ZC3H12B: variants seen among roughly 807,000 people sequenced by gnomAD.
ZC3H12B encodes probable ribonuclease ZC3H12B.
ZC3H12B carries 7 observed loss-of-function variants against 43.9 expected under a neutral mutation model. That is an observed-to-expected ratio of 0.16 (90% CI 0.09 to 0.30). The LOEUF (loss-of-function observed/expected upper bound fraction) is 0.30, where lower values mean the gene tolerates loss of function less well. ZC3H12B is among the 10% of genes least tolerant of loss of function. The probability of loss-of-function intolerance (pLI) is 1.00; values close to 1 mark genes in which losing one functional copy is unlikely to be tolerated. For synonymous variants in ZC3H12B, 222 were observed against 241.7 expected, an observed-to-expected ratio of 0.92 and a Z score of 0.76; for missense variants, 475 against 670.2, an observed-to-expected ratio of 0.71 and a Z score of 3.22.
At chrX:65,374,935 G>C (rs1018609809) in intron 2 of ZC3H12B, among the ~76,000 whole-genome samples, 10 of 111,221 alleles carry the variant, frequency 9.0e-5, no homozygotes, top group Non-Finnish European at 1.5e-4. Flanking sequence ...CCTCCCATCA[G>C]GTCCTTCCCA....
the ZC3H12B span, among the ~76,000 whole-genome samples, chrX:65,349,687 C>T: frequency 9.0e-6 from 1 of 111,436 alleles, no homozygotes; most frequent in African/African-American, 3.3e-5. Flanking sequence ...CCACTGATCC[C>T]ACAGAAATAC....
the ZC3H12B span, among the ~76,000 whole-genome samples, chrX:65,059,241 T>C: frequency 1.4e-5 from 1 of 72,834 alleles, no homozygotes; most frequent in Non-Finnish European, 2.6e-5. Flanking sequence ...CCCCAGTTTG[T>C]TCATTTTTGC....
chrX:65,167,436 G>C, the ZC3H12B span, among the ~76,000 whole-genome samples: 1 of 111,733 alleles, frequency 8.9e-6, no homozygotes, highest in African/African-American at 3.3e-5. Flanking sequence ...TGCTGTTTTG[G>C]TTACTGTAGC....
At chrX:65,075,104 A>C in the ZC3H12B span, among the ~76,000 whole-genome samples, 4 of 112,211 alleles carry the variant, frequency 3.6e-5, no homozygotes, top group East Asian at 1.1e-3. Flanking sequence ...TTCACAAATC[A>C]GCCTAATTAG....
At chrX:65,497,490 G>A (rs1441642103) in intron 2 of ZC3H12B, among the ~76,000 whole-genome samples, 1 of 112,593 alleles carries the variant, frequency 8.9e-6, no homozygotes, top group African/African-American at 3.2e-5. Context: ...AAAAGATAAA[G>A]CACATAGTTT....
At chrX:65,067,012 G>A in the ZC3H12B span, among the ~76,000 whole-genome samples, 2 of 111,397 alleles carry the variant, frequency 1.8e-5, no homozygotes, top group Non-Finnish European at 3.8e-5. Context: ...ATTGTTCCAG[G>A]TCGACTTCAG....
At chrX:65,380,466 A>G (rs1040423573) in intron 2 of ZC3H12B, among the ~76,000 whole-genome samples, 3 of 111,929 alleles carry the variant, frequency 2.7e-5, no homozygotes, top group African/African-American at 9.7e-5. Context: ...AGCGCTAAAC[A>G]TGGAAAGGAA....
chrX:65,358,766 T>G, the ZC3H12B span, among the ~76,000 whole-genome samples: 1 of 111,002 alleles, frequency 9.0e-6, no homozygotes, highest in Non-Finnish European at 1.9e-5. Context: ...ACATCACAAT[T>G]AAAAGAACTA....
chrX:65,476,171 C>T (rs2067989009), intron 3 of ZC3H12B, among the ~76,000 whole-genome samples: 1 of 111,975 alleles, frequency 8.9e-6, no homozygotes, highest in Non-Finnish European at 1.9e-5. Context: ...GGAAAGTCTT[C>T]TTTCATTTAT....
At chrX:65,245,922 T>A in the ZC3H12B span, among the ~76,000 whole-genome samples, 3 of 109,912 alleles carry the variant, frequency 2.7e-5, no homozygotes, top group Non-Finnish European at 5.7e-5. Context: ...CTTAAAATAT[T>A]TAAAAAAAAA....
intron 3 of ZC3H12B, among the ~76,000 whole-genome samples, chrX:65,441,994 T>A (rs1466012894): frequency 9.3e-6 from 1 of 107,221 alleles, no homozygotes; most frequent in Non-Finnish European, 1.9e-5. Flanking sequence ...TTTGGACATA[T>A]TTCAGGCTCA....
chrX:65,358,560 G>A, the ZC3H12B span, among the ~76,000 whole-genome samples: 35 of 111,395 alleles, frequency 3.1e-4, no homozygotes, highest in Non-Finnish European at 1.9e-4. Context: ...CATGGAAACT[G>A]AACAACCTGC....
intron 2 of ZC3H12B, among the ~76,000 whole-genome samples, chrX:65,397,952 C>T (rs1022882652): frequency 1.8e-5 from 2 of 111,907 alleles, no homozygotes; most frequent in African/African-American, 3.2e-5. Context: ...ACAAATTTAA[C>T]ATTAAAAATC....
intron 3 of ZC3H12B, among the ~76,000 whole-genome samples, chrX:65,405,551 C>T (rs778205074): frequency 5.4e-5 from 6 of 111,024 alleles, no homozygotes; most frequent in South Asian, 3.8e-4. Context: ...ACCCAGGAGG[C>T]GGAGGCTGCC....
At chrX:65,227,544 G>T in the ZC3H12B span, among the ~76,000 whole-genome samples, 2 of 111,244 alleles carry the variant, frequency 1.8e-5, no homozygotes, top group Non-Finnish European at 3.8e-5. Flanking sequence ...GAGCAGAACT[G>T]AAGGAAATGG....
chrX:65,189,736 AT>A, the ZC3H12B span, among the ~76,000 whole-genome samples: 1 of 109,543 alleles, frequency 9.1e-6, no homozygotes, highest in Non-Finnish European at 1.9e-5. Context: ...ATTTTCTCCC[AT>A]TTTGTAAGTT....
chrX:65,129,338 T>C, the ZC3H12B span, among the ~76,000 whole-genome samples: 1 of 108,988 alleles, frequency 9.2e-6, no homozygotes, highest in Admixed American at 9.9e-5. Flanking sequence ...CCAAACAGGC[T>C]TTGTGTGAGC....
At chrX:65,131,512 G>T in the ZC3H12B span, among the ~76,000 whole-genome samples, 2 of 111,401 alleles carry the variant, frequency 1.8e-5, no homozygotes, top group Non-Finnish European at 3.8e-5. Context: ...GAGTTAGGGA[G>T]AGTTAGTGTG....
At chrX:65,253,959 C>T in the ZC3H12B span, among the ~76,000 whole-genome samples, 188 of 112,308 alleles carry the variant, frequency 1.7e-3, no homozygotes, top group South Asian at 0.017. Context: ...GTGCACCCCA[C>T]CATGCCGCTG....
Sources: allele counts gnomAD v4.1 joint callset (sites outside exome capture counted in the v4.1 genomes callset), GRCh38; gene constraint gnomAD v4.1.1; transcripts MANE v1.5; gene names NCBI Gene and HGNC (gene_info 2026-07-23, HGNC 2026-07-21).